Variants in STK39 observed in about 807,000 individuals in gnomAD.
STK39 encodes the protein serine/threonine kinase 39.
In STK39, 20 loss-of-function variants were observed where a neutral mutation model predicts 77.8. The ratio of observed to expected loss-of-function variants is 0.26; its 90% CI spans 0.18 to 0.37. The LOEUF (loss-of-function observed/expected upper bound fraction) is 0.37. Ranked by LOEUF, STK39 falls within the 10% of genes least tolerant of loss-of-function variation. The probability of loss-of-function intolerance (pLI) is 1.00; values close to 1 mark genes in which losing one functional copy is unlikely to be tolerated. For synonymous variants in STK39, 246 were observed against 234.1 expected (o/e 1.05, Z -0.47); for missense variants, 479 against 656.5 (o/e 0.73, Z 2.95).
At chr2:168,101,161 A>G (rs748596476) in intron 10 of STK39, among the ~76,000 whole-genome samples, 4 of 152,134 alleles carry the variant, frequency 2.6e-5, no homozygotes, top group Admixed American at 6.5e-5. Context: ...GAACAATGAG[A>G]ACACTTGGAC....
intron 1 of STK39, among the ~76,000 whole-genome samples, chr2:168,245,649 G>T (rs1690878377): frequency 6.6e-6 from 1 of 152,226 alleles, no homozygotes; most frequent in South Asian, 2.1e-4. Context: ...CAGATGTGCG[G>T]AAGACAGCGG....
chr2:167,957,935 A>G (rs1691832057), intron 17 of STK39, among the ~76,000 whole-genome samples: 1 of 152,168 alleles, frequency 6.6e-6, no homozygotes, highest in South Asian at 2.1e-4. Context: ...TCCCATAGCT[A>G]CACTGAAATG....
intron 1 of STK39, among the ~76,000 whole-genome samples, chr2:168,214,820 A>G (rs894668341): frequency 1.3e-5 from 2 of 152,220 alleles, no homozygotes; most frequent in South Asian, 2.1e-4. Flanking sequence ...CAGACCACTG[A>G]TAACTGTGTG....
intron 10 of STK39, among the ~76,000 whole-genome samples, chr2:168,095,623 C>CTTTT (rs567675524): frequency 0.081 from 9,338 of 115,682 alleles, 736 homozygotes; most frequent in African/African-American, 0.21. Context: ...GTATCTCTTT[C>CTTTT]TTTTTTTTTT....
At chr2:168,006,753 G>A (rs1371173711) in intron 16 of STK39, among the ~76,000 whole-genome samples, 1 of 152,180 alleles carries the variant, frequency 6.6e-6, no homozygotes, top group African/African-American at 2.4e-5. Flanking sequence ...AATGTTTCCT[G>A]TTTCTTGCCT....
In STK39 at chr2:168,089,025, C is replaced by T. The variant is rs541707794; in HGVS notation, c.1090-13794G>A. 2.0e-3 allele frequency among the ~76,000 whole-genome samples: 297 copies of T among 152,292 alleles called. 1 individual carries two copies. Among genetic ancestry groups the T allele is most frequent in the African/African-American group, 6.7e-3 (278 of 41,576 alleles). ...AGATTTCGAAGAGACTCCCCTAGGG[C>T]TCCCCAGCGATGTTAATCAGCACAT... On this transcript the variant is annotated intron_variant, in intron 10 of 17. Coordinates refer to ENST00000355999, the MANE Select transcript of STK39 (RefSeq NM_013233.3).
At chr2:168,019,017 C>G (rs551553423) in intron 14 of STK39, among the ~76,000 whole-genome samples, 1 of 152,108 alleles carries the variant, frequency 6.6e-6, no homozygotes, top group South Asian at 2.1e-4. Context: ...AAGCCCACAC[C>G]GAGATATGAG....
intron 1 of STK39, among the ~76,000 whole-genome samples, chr2:168,211,578 A>C (rs569388065): frequency 6.6e-6 from 1 of 152,318 alleles, no homozygotes; most frequent in Non-Finnish European, 1.5e-5. Flanking sequence ...TCCTGCCTTA[A>C]AGATGGGACT....
chr2:168,029,968 C>T (rs1574405818), intron 14 of STK39, among the ~76,000 whole-genome samples: 2 of 152,166 alleles, frequency 1.3e-5, no homozygotes, highest in South Asian at 4.2e-4. Flanking sequence ...GGGCCGGGTG[C>T]GGTGGCTCAT....
chr2:168,137,168 C>T (rs1687861288), intron 8 of STK39, among the ~76,000 whole-genome samples: 1 of 152,188 alleles, frequency 6.6e-6, no homozygotes, highest in Admixed American at 6.5e-5. Context: ...ATAAAGGAAT[C>T]ATTTCTAACA....
intron 8 of STK39, 108 bp from the exon 9 acceptor site, chr2:168,129,866 T>G (rs2246258): frequency 0.81 from 1,004,931 of 1,245,692 alleles, 405,943 homozygotes; most frequent in East Asian, 0.82. Context: ...CCAATTTTAG[T>G]AATAGCAAAA....
rs754351168 is a variant in STK39 at position 168,247,467 on chromosome 2, G to A, written c.-32C>T. The A allele has an allele frequency of 3.8e-6, 5 of 1,299,034 alleles. No individual in the cohort carries two copies. In the African/African-American group the frequency reaches 6.2e-5, roughly 16 times the overall value. 80.5% of individuals were successfully genotyped at this position (1,299,034 alleles called of 1,614,324 possible). A position where few individuals can be genotyped will look rare whatever the true frequency, so the allele number is the denominator to read the frequency against. On this transcript the variant is annotated 5_prime_UTR_variant, in exon 1 of 18. Transcript: ENST00000355999. ...GCGGAGGAGAGCAGGAGGACGCGCC[G>A]GCCGACGGACGACCTTCCACTTGAA...
intron 10 of STK39, among the ~76,000 whole-genome samples, chr2:168,092,561 G>A (rs1193837024): frequency 6.6e-6 from 1 of 152,124 alleles, no homozygotes; most frequent in Non-Finnish European, 1.5e-5. Context: ...CTCACACAGT[G>A]AATAAAGATA....
At chr2:168,072,671 T>C (rs924301728) in intron 12 of STK39, among the ~76,000 whole-genome samples, 2 of 152,248 alleles carry the variant, frequency 1.3e-5, no homozygotes, top group Admixed American at 1.3e-4. Flanking sequence ...ATTTGCTGAA[T>C]AGTTACATAT....
chr2:168,137,228 AT>A (rs1202212989), intron 8 of STK39, among the ~76,000 whole-genome samples: 2 of 152,208 alleles, frequency 1.3e-5, no homozygotes, highest in African/African-American at 4.8e-5. Context: ...GTCAGTTATT[AT>A]GTTTTAAAAT....
intron 16 of STK39, among the ~76,000 whole-genome samples, chr2:168,004,971 G>C (rs904569452): frequency 1.4e-5 from 2 of 144,284 alleles, no homozygotes; most frequent in Admixed American, 6.9e-5. Context: ...CTTAACCTTA[G>C]CAAGCACTAG....
At chr2:168,186,610 T>C (rs1474218325) in intron 1 of STK39, among the ~76,000 whole-genome samples, 1 of 152,230 alleles carries the variant, frequency 6.6e-6, no homozygotes, top group South Asian at 2.1e-4. Flanking sequence ...ACTTTCGACC[T>C]AACTGCTATC....
At chr2:168,221,096 C>T (rs1053085804) in intron 1 of STK39, among the ~76,000 whole-genome samples, 4 of 152,122 alleles carry the variant, frequency 2.6e-5, no homozygotes, top group Non-Finnish European at 5.9e-5. Flanking sequence ...AACACATGAG[C>T]AGGATGATAG....
intron 1 of STK39, among the ~76,000 whole-genome samples, chr2:168,184,162 C>T (rs1178023003): frequency 2.0e-5 from 3 of 152,186 alleles, no homozygotes; most frequent in Non-Finnish European, 2.9e-5. Flanking sequence ...GTATGTAATA[C>T]AGAGATACCT....
Sources: allele counts gnomAD v4.1 joint callset (sites outside exome capture counted in the v4.1 genomes callset), GRCh38; gene constraint gnomAD v4.1.1; transcripts MANE v1.5; gene names NCBI Gene and HGNC (gene_info 2026-07-23, HGNC 2026-07-21).